Variants in TMEM132C observed in about 807,000 individuals in gnomAD.
TMEM132C encodes the protein protein phosphatase 1, regulatory subunit 152.
TMEM132C carries 29 observed loss-of-function variants against 61.4 expected under a neutral mutation model. The ratio of observed to expected loss-of-function variants is 0.47; its 90% CI spans 0.35 to 0.64. The LOEUF is 0.64. Ranked by LOEUF, TMEM132C falls within the 30% of genes least tolerant of loss-of-function variation. TMEM132C has a pLI of 0.00. For missense variants in TMEM132C, 1,408 were observed against 1,476.9 expected (o/e 0.95, Z 0.76); for synonymous variants, 656 against 633.1 (o/e 1.04, Z -0.54).
intron 4 of TMEM132C, among the ~76,000 whole-genome samples, chr12:128,632,551 G>A (rs560335497): frequency 5.4e-4 from 82 of 152,292 alleles, no homozygotes; most frequent in Middle Eastern, 6.8e-3. Flanking sequence ...AAAATTGTGC[G>A]CTTAAAGTCC....
chr12:128,457,326 C>T (rs368366328), intron 2 of TMEM132C, among the ~76,000 whole-genome samples: 9 of 147,596 alleles, frequency 6.1e-5, no homozygotes, highest in Non-Finnish European at 1.0e-4. Context: ...AAAAAAACAG[C>T]GCTTTGGGAG....
intron 5 of TMEM132C, among the ~76,000 whole-genome samples, chr12:128,687,724 C>T (rs1350673182): frequency 6.6e-6 from 1 of 152,168 alleles, no homozygotes; most frequent in East Asian, 1.9e-4. Context: ...AGGATTTTTC[C>T]AGAGCTGAAA....
At chr12:128,521,896 A>C (rs1225652379) in intron 2 of TMEM132C, among the ~76,000 whole-genome samples, 1 of 152,194 alleles carries the variant, frequency 6.6e-6, no homozygotes, top group Non-Finnish European at 1.5e-5. Flanking sequence ...GTTCAAAATT[A>C]TGTGCTTCAC....
In TMEM132C at chr12:128,358,092, G is replaced by A. The variant is rs542605253; in HGVS notation, c.86-56640G>A. ...GACCCCTGTGAGCCATTCGAGGTTT[G>A]AATCCCCTCTGGGGCTGGAGCTGCA... is the stretch of plus-strand genomic sequence containing the variant. On this transcript the variant is annotated intron_variant, in intron 1 of 8. Coordinates refer to ENST00000435159, the MANE Select transcript of TMEM132C (RefSeq NM_001136103.3). 4.6e-5 allele frequency among the ~76,000 whole-genome samples: 7 copies of A among 152,258 alleles called. No individual in the cohort carries two copies. The South Asian group carries it at 6.2e-4, about 14-fold the overall frequency.
intron 3 of TMEM132C, among the ~76,000 whole-genome samples, chr12:128,609,286 T>G: frequency 9.9e-6 from 1 of 100,896 alleles, no homozygotes. Context: ...CCTGCAACAC[T>G]GTAGCCCCCG....
At chr12:128,334,765 T>A (rs1032706182) in intron 1 of TMEM132C, among the ~76,000 whole-genome samples, 2 of 152,044 alleles carry the variant, frequency 1.3e-5, no homozygotes, top group Non-Finnish European at 2.9e-5. Context: ...CTGGCTAATT[T>A]TTTTGTAGTT....
chr12:128,294,620 A>T (rs115665360), intron 1 of TMEM132C, among the ~76,000 whole-genome samples: 4 of 151,902 alleles, frequency 2.6e-5, no homozygotes, highest in African/African-American at 4.8e-5. Context: ...GAGCCCAGAG[A>T]TCCAAGATCA....
intron 2 of TMEM132C, among the ~76,000 whole-genome samples, chr12:128,542,530 T>C (rs542574821): frequency 6.6e-6 from 1 of 152,198 alleles, no homozygotes; most frequent in African/African-American, 2.4e-5. Context: ...AATCTCCAAC[T>C]CCTGAGCTCA....
In TMEM132C at chr12:128,705,682, G is replaced by C. The variant is rs866881036; in HGVS notation, c.2714G>C (p.Gly905Ala). 6.4e-7 allele frequency: 1 copy of C among 1,551,380 alleles called. No homozygotes were observed. Residue 905 changes from glycine (G) to alanine (A), a missense_variant, in exon 9 of 9, where the codon GGG becomes GCG. Physicochemically the swap from Gly to Ala is moderately conservative, Grantham distance 60. Transcript: ENST00000435159. ...FPAHVDLPKA[G>A]SGLEENDLVQ... ...GCCCACGTGGACCTCCCCAAGGCCG[G>C]GAGTGGGCTGGAGGAAAACGACCTG...
At chr12:128,423,229 C>T (rs915948232) in intron 2 of TMEM132C, among the ~76,000 whole-genome samples, 8 of 152,188 alleles carry the variant, frequency 5.3e-5, no homozygotes, top group Non-Finnish European at 1.0e-4. Context: ...GAGCAAGGAG[C>T]TGCTTCTCAG....
At chr12:128,562,462 G>T (rs982266409) in intron 3 of TMEM132C, among the ~76,000 whole-genome samples, 1 of 152,002 alleles carries the variant, frequency 6.6e-6, no homozygotes, top group African/African-American at 2.4e-5. Context: ...TTCATAAGTG[G>T]TCCTTATTAT....
chr12:128,454,637 G>A (rs542743885), intron 2 of TMEM132C, among the ~76,000 whole-genome samples: 1 of 152,332 alleles, frequency 6.6e-6, no homozygotes, highest in African/African-American at 2.4e-5. Context: ...CCCTGGATAG[G>A]ACCTCCAGGA....
intron 1 of TMEM132C, among the ~76,000 whole-genome samples, chr12:128,370,764 TG>T (rs1874003872): frequency 6.6e-6 from 1 of 151,716 alleles, no homozygotes; most frequent in Non-Finnish European, 1.5e-5. Flanking sequence ...TGGATCGAGG[TG>T]GAGTGGGGAG....
chr12:128,668,840 TCTC>T (rs1374898224), intron 4 of TMEM132C, among the ~76,000 whole-genome samples: 3 of 152,086 alleles, frequency 2.0e-5, no homozygotes, highest in Non-Finnish European at 2.9e-5. Flanking sequence ...CACTGCAACA[TCTC>T]CTCCTCCTCC....
At position 128,337,168 on chromosome 12, in the gene TMEM132C, C is replaced by T. The variant is rs540299664; in HGVS notation, c.85+69681C>T. On this transcript the variant is annotated intron_variant, in intron 1 of 8. Coordinates refer to ENST00000435159, the MANE Select transcript of TMEM132C (RefSeq NM_001136103.3). Reference sequence around the variant, plus strand: ...TTGTTTTCTTCTTCCCTTTTTTTTTCATGGTCTCTGATCTCGTTAGCATGT... The same window carrying T: ...TTGTTTTCTTCTTCCCTTTTTTTTTTATGGTCTCTGATCTCGTTAGCATGT... 4.0e-5 allele frequency among the ~76,000 whole-genome samples: 6 copies of T among 151,372 alleles called. No homozygotes were observed. The East Asian group carries it at 1.2e-3, about 29-fold the overall frequency.
intron 2 of TMEM132C, among the ~76,000 whole-genome samples, chr12:128,524,362 G>A (rs920412617): frequency 6.6e-6 from 1 of 152,182 alleles, no homozygotes; most frequent in African/African-American, 2.4e-5. Context: ...GCCGTTTGAT[G>A]TGAATAAGCC....
At chr12:128,530,679 G>A (rs1275913534) in intron 2 of TMEM132C, among the ~76,000 whole-genome samples, 9 of 152,212 alleles carry the variant, frequency 5.9e-5, no homozygotes, top group Non-Finnish European at 7.4e-5. Flanking sequence ...TAATGACCTC[G>A]TGATCCACCC....
At chr12:128,359,647 G>A (rs1370477253) in intron 1 of TMEM132C, among the ~76,000 whole-genome samples, 1 of 152,144 alleles carries the variant, frequency 6.6e-6, no homozygotes, top group Non-Finnish European at 1.5e-5. Context: ...TATTACTTCT[G>A]TTTGTATTCT....
At chr12:128,311,250 C>T (rs1021232399) in intron 1 of TMEM132C, among the ~76,000 whole-genome samples, 1 of 152,208 alleles carries the variant, frequency 6.6e-6, no homozygotes, top group African/African-American at 2.4e-5. Flanking sequence ...AAGATCCGTA[C>T]TTCTTTCTAG....
Sources: allele counts gnomAD v4.1 joint callset (sites outside exome capture counted in the v4.1 genomes callset), GRCh38; gene constraint gnomAD v4.1.1; transcripts MANE v1.5; gene names NCBI Gene and HGNC (gene_info 2026-07-23, HGNC 2026-07-21).